ATF2: variants seen among roughly 807,000 people sequenced by gnomAD.
The protein encoded by ATF2 is cyclic AMP-dependent transcription factor ATF-2.
A neutral mutation model predicts 60.6 loss-of-function variants in ATF2; 24 were observed. The ratio of observed to expected loss-of-function variants is 0.40; its 90% CI spans 0.29 to 0.56. The LOEUF (loss-of-function observed/expected upper bound fraction) is 0.56, where lower values mean the gene tolerates loss of function less well. ATF2 is among the 20% of genes least tolerant of loss of function. ATF2 has a pLI of 0.54. For synonymous variants in ATF2, 206 were observed against 215.4 expected, an observed-to-expected ratio of 0.96 and a Z score of 0.38; for missense variants, 433 against 607.7, an observed-to-expected ratio of 0.71 and a Z score of 3.02.
chr2:175,104,475 G>C (rs191933900), intron 10 of ATF2, among the ~76,000 whole-genome samples: 1 of 152,022 alleles, frequency 6.6e-6, no homozygotes, highest in Non-Finnish European at 1.5e-5. Flanking sequence ...GGTGGGGGGG[G>C]CGGTGCGCAA....
intron 11 of ATF2, among the ~76,000 whole-genome samples, chr2:175,096,934 T>C (rs1694974764): frequency 6.6e-6 from 1 of 152,210 alleles, no homozygotes. Flanking sequence ...CAAACCTGTT[T>C]ATGCCACAGC....
chr2:175,082,328 T>A (rs1440892023), intron 12 of ATF2, among the ~76,000 whole-genome samples: 1 of 152,172 alleles, frequency 6.6e-6, no homozygotes, highest in African/African-American at 2.4e-5. Context: ...GTAATCAAAG[T>A]ACAAAAGGTA....
intron 2 of ATF2, among the ~76,000 whole-genome samples, chr2:175,143,101 G>A (rs1698710604): frequency 1.3e-5 from 2 of 151,974 alleles, no homozygotes; most frequent in Admixed American, 6.6e-5. Context: ...ATGAACTAAG[G>A]CATTATAAGG....
chr2:175,080,806 CAT>C (rs1188469171), intron 12 of ATF2, 41 bp from the exon 13 acceptor site: 2 of 1,485,892 alleles, frequency 1.3e-6, no homozygotes, highest in Non-Finnish European at 1.9e-6. Context: ...ACAGACTAAA[CAT>C]ATTTTTTACT....
rs73039706 is a variant in ATF2 at position 175,143,275 on chromosome 2, T to A, written c.-43-6789A>T. ...ACTTTATAAATTATAAAAACATGACTCTATGACAATGAAAAAAAGAAGAAA... is the reference window on the plus strand; with the variant it reads ...ACTTTATAAATTATAAAAACATGACACTATGACAATGAAAAAAAGAAGAAA... On this transcript the variant is annotated intron_variant, in intron 2 of 13. Transcript: ENST00000264110. Among the ~76,000 whole-genome samples the A allele has an allele frequency of 5.1e-3, 773 of 152,174 alleles. 5 individuals carry two copies. The highest frequency in any genetic ancestry group is 0.017 in the African/African-American group (711 of 41,526).
chr2:175,167,872 C>T lies in ATF2; in HGVS notation c.-143+178G>A, dbSNP rs887000362. ...TTCCCAAAGCCCACACCGCGCGGGCCGCCGAGGTGGCAGCACAGCCACAAT... is the reference window on the plus strand; with the variant it reads ...TTCCCAAAGCCCACACCGCGCGGGCTGCCGAGGTGGCAGCACAGCCACAAT... On this transcript the variant is annotated intron_variant, in intron 1 of 13. Transcript: ENST00000264110. 29 of 392,606 alleles carry T rather than the reference C, an allele frequency of 7.4e-5. No homozygotes were observed. In the Middle Eastern group the frequency reaches 1.5e-3, roughly 20 times the overall value. 24.3% of individuals were successfully genotyped at this position (392,606 alleles called of 1,614,324 possible).
intron 2 of ATF2, among the ~76,000 whole-genome samples, chr2:175,147,646 C>T (rs917993322): frequency 1.3e-5 from 2 of 151,994 alleles, no homozygotes; most frequent in Non-Finnish European, 2.9e-5. Flanking sequence ...TATCTAATAC[C>T]ATATTAAGAA....
At chr2:175,084,373 C>G (rs573229641) in intron 12 of ATF2, among the ~76,000 whole-genome samples, 1 of 151,394 alleles carries the variant, frequency 6.6e-6, no homozygotes, top group South Asian at 2.1e-4. Flanking sequence ...AATCATCATT[C>G]TCCGTAAACT....
chr2:175,101,514 G>A (rs1196616878), intron 10 of ATF2, among the ~76,000 whole-genome samples: 1 of 152,044 alleles, frequency 6.6e-6, no homozygotes, highest in Non-Finnish European at 1.5e-5. Flanking sequence ...TTATGTGTTT[G>A]GAAAAGATTT....
At chr2:175,115,466 A>T (rs985232676) in intron 7 of ATF2, among the ~76,000 whole-genome samples, 1 of 152,202 alleles carries the variant, frequency 6.6e-6, no homozygotes, top group Non-Finnish European at 1.5e-5. Flanking sequence ...TCAAGTCAGG[A>T]AAACAGAATT....
intron 2 of ATF2, among the ~76,000 whole-genome samples, chr2:175,150,239 A>G (rs1018837439): frequency 2.0e-5 from 3 of 152,196 alleles, no homozygotes; most frequent in Non-Finnish European, 2.9e-5. Context: ...CAAAATTAGA[A>G]TAACTATACT....
At chr2:175,149,147 T>C (rs1217419168) in intron 2 of ATF2, among the ~76,000 whole-genome samples, 1 of 152,166 alleles carries the variant, frequency 6.6e-6, no homozygotes, top group Non-Finnish European at 1.5e-5. Context: ...TTTAATAACA[T>C]GGTAAAATGT....
At chr2:175,164,117 T>C (rs904223653) in intron 1 of ATF2, among the ~76,000 whole-genome samples, 2 of 149,108 alleles carry the variant, frequency 1.3e-5, no homozygotes, top group Non-Finnish European at 3.0e-5. Context: ...AAAGTGAAAA[T>C]GAATACACCA....
At chr2:175,152,827 C>T (rs1297387809) in intron 1 of ATF2, among the ~76,000 whole-genome samples, 1 of 152,110 alleles carries the variant, frequency 6.6e-6, no homozygotes, top group East Asian at 1.9e-4. Flanking sequence ...AAAATAGGGA[C>T]TACAAAAATG....
intron 1 of ATF2, among the ~76,000 whole-genome samples, chr2:175,157,344 G>A (rs1365305459): frequency 6.6e-6 from 1 of 151,972 alleles, no homozygotes; most frequent in African/African-American, 2.4e-5. Context: ...ATGTATCTAT[G>A]CAGTCTATCT....
At chr2:175,156,020 G>T (rs1321186635) in intron 1 of ATF2, among the ~76,000 whole-genome samples, 2 of 152,074 alleles carry the variant, frequency 1.3e-5, no homozygotes, top group Admixed American at 6.6e-5. Context: ...CTAATCCCTG[G>T]AACCTGTTAA....
chr2:175,096,735 CAA>C (rs1559061848), intron 11 of ATF2, among the ~76,000 whole-genome samples: 1 of 151,988 alleles, frequency 6.6e-6, no homozygotes, highest in Non-Finnish European at 1.5e-5. Context: ...AGAAGAGATC[CAA>C]AAAGATTCTT....
At chr2:175,085,617 A>G (rs1002823413) in intron 12 of ATF2, among the ~76,000 whole-genome samples, 13 of 151,758 alleles carry the variant, frequency 8.6e-5, no homozygotes, top group Non-Finnish European at 1.8e-4. Flanking sequence ...CTTTAAATAG[A>G]CAGGTCTGAA....
chr2:175,142,006 C>A (rs1357236657), intron 2 of ATF2, among the ~76,000 whole-genome samples: 1 of 151,620 alleles, frequency 6.6e-6, no homozygotes, highest in East Asian at 1.9e-4. Context: ...TAGGGAAGAG[C>A]AAATCCCTGA....
Sources: allele counts gnomAD v4.1 joint callset (sites outside exome capture counted in the v4.1 genomes callset), GRCh38; gene constraint gnomAD v4.1.1; transcripts MANE v1.5; gene names NCBI Gene and HGNC (gene_info 2026-07-23, HGNC 2026-07-21).